AKT3: variants seen among roughly 807,000 people sequenced by gnomAD.
The protein encoded by AKT3 is RAC-gamma serine/threonine-protein kinase.
Under a neutral mutation model 65.3 loss-of-function variants are expected in AKT3, and 15 were observed. The observed-to-expected ratio is 0.23, with a 90% CI of 0.15 to 0.35. The LOEUF is 0.35. AKT3 is among the 10% of genes least tolerant of loss of function. The probability of loss-of-function intolerance (pLI) is 1.00; values close to 1 mark genes in which losing one functional copy is unlikely to be tolerated. For missense variants in AKT3, 243 were observed against 576.5 expected (o/e 0.42, Z 5.92); for synonymous variants, 206 against 183.8 (o/e 1.12, Z -0.98).
At chr1:243,638,780 G>A (rs1228790236) in intron 5 of AKT3, among the ~76,000 whole-genome samples, 3 of 151,194 alleles carry the variant, frequency 2.0e-5, no homozygotes, top group Non-Finnish European at 2.9e-5. Flanking sequence ...TAAAGTAAAC[G>A]TGAGAAATAT....
At chr1:243,767,942 G>T (rs1460080582) in intron 2 of AKT3, among the ~76,000 whole-genome samples, 1 of 151,604 alleles carries the variant, frequency 6.6e-6, no homozygotes, top group Non-Finnish European at 1.5e-5. Flanking sequence ...AATGAAAACG[G>T]TAAAATTTCC....
intron 2 of AKT3, among the ~76,000 whole-genome samples, chr1:243,695,934 T>G (rs1172163234): frequency 6.6e-6 from 1 of 151,994 alleles, no homozygotes; most frequent in South Asian, 2.1e-4. Flanking sequence ...ATTTCACACT[T>G]TGATAATTCA....
At chr1:243,716,894 A>T (rs961206644) in intron 2 of AKT3, among the ~76,000 whole-genome samples, 1 of 152,250 alleles carries the variant, frequency 6.6e-6, no homozygotes, top group Non-Finnish European at 1.5e-5. Flanking sequence ...AAAATGGGTC[A>T]TTCTAATAAT....
chr1:243,524,522 G>T (rs1266577078), intron 12 of AKT3, among the ~76,000 whole-genome samples: 1 of 152,228 alleles, frequency 6.6e-6, no homozygotes, highest in Non-Finnish European at 1.5e-5. Context: ...AAGGGGAACA[G>T]CCATGAATTA....
chr1:243,574,146 A>G (rs902672583), intron 8 of AKT3, among the ~76,000 whole-genome samples: 14 of 152,162 alleles, frequency 9.2e-5, no homozygotes, highest in African/African-American at 3.4e-4. Context: ...ATGTTTCTAC[A>G]AAATTGGTGA....
intron 8 of AKT3, among the ~76,000 whole-genome samples, chr1:243,608,897 C>G (rs1172194248): frequency 1.3e-5 from 2 of 151,562 alleles, no homozygotes; most frequent in East Asian, 3.9e-4. Context: ...GGATTACAAG[C>G]ATCCACCACC....
chr1:243,836,856 G>A (rs1296956977), intron 2 of AKT3, among the ~76,000 whole-genome samples: 3 of 148,200 alleles, frequency 2.0e-5, no homozygotes, highest in African/African-American at 5.0e-5. Context: ...AGGTTGCAGT[G>A]AGCTGAGACT....
intron 2 of AKT3, among the ~76,000 whole-genome samples, chr1:243,723,298 C>G (rs1368982808): frequency 6.6e-6 from 1 of 152,096 alleles, no homozygotes; most frequent in Admixed American, 6.5e-5. Context: ...ATGCCTGTCA[C>G]TATTCAGAAA....
At position 243,710,302 on chromosome 1, in the gene AKT3, G is replaced by GT. The variant is rs551213151; in HGVS notation, c.47-14587dup. Among the ~76,000 whole-genome samples, 24 of 152,012 alleles carry GT rather than the reference G, an allele frequency of 1.6e-4. No individual in the cohort carries two copies. In the South Asian group the frequency reaches 4.4e-3, roughly 28 times the overall value. On this transcript the variant is annotated intron_variant, in intron 2 of 13. Coordinates refer to ENST00000673466, the MANE Select transcript of AKT3 (RefSeq NM_005465.7). ...TTCCACTTCTTTGGTACTGTAAGTT[G>GT]TTTTTTATAAAAAACAACAAAAATT...
At chr1:243,648,144 G>C (rs778949211) in intron 4 of AKT3, among the ~76,000 whole-genome samples, 1 of 151,766 alleles carries the variant, frequency 6.6e-6, no homozygotes, top group Non-Finnish European at 1.5e-5. Flanking sequence ...TGTAATCCCA[G>C]CTACTCGGGA....
intron 6 of AKT3, among the ~76,000 whole-genome samples, chr1:243,617,481 TA>T (rs926715548): frequency 6.6e-6 from 1 of 151,570 alleles, no homozygotes; most frequent in Non-Finnish European, 1.5e-5. Context: ...GGTAACTTAA[TA>T]AAAAAAATAA....
At chr1:243,589,306 CA>C (rs758254217) in intron 8 of AKT3, among the ~76,000 whole-genome samples, 55 of 40,878 alleles carry the variant, frequency 1.3e-3, no homozygotes, top group Admixed American at 2.3e-3. Context: ...AACTCCATCT[CA>C]AAAAAAAAAA....
intron 6 of AKT3, among the ~76,000 whole-genome samples, chr1:243,618,525 C>T (rs1375399910): frequency 1.3e-5 from 2 of 151,952 alleles, no homozygotes; most frequent in Non-Finnish European, 2.9e-5. Context: ...CAATGTGATG[C>T]CTTTTAAAAA....
intron 2 of AKT3, among the ~76,000 whole-genome samples, chr1:243,806,765 T>C (rs1177584915): frequency 6.6e-6 from 1 of 152,172 alleles, no homozygotes; most frequent in African/African-American, 2.4e-5. Context: ...TTTTTCAAAA[T>C]TACTCATTAA....
At chr1:243,492,677 G>C (rs2148289288) in intron 13 of AKT3, among the ~76,000 whole-genome samples, 1 of 125,514 alleles carries the variant, frequency 8.0e-6, no homozygotes. Context: ...GCATGGTCTT[G>C]GCCTACTGCA....
chr1:243,707,909 C>T (rs937485439), intron 2 of AKT3, among the ~76,000 whole-genome samples: 1 of 152,008 alleles, frequency 6.6e-6, no homozygotes, highest in African/African-American at 2.4e-5. Context: ...AAGTAAATTA[C>T]TCTTGATTCA....
intron 9 of AKT3, among the ~76,000 whole-genome samples, chr1:243,567,529 A>G (rs1224097531): frequency 9.2e-6 from 1 of 108,888 alleles, no homozygotes; most frequent in Non-Finnish European, 1.8e-5. Flanking sequence ...GTATTTTGCC[A>G]TGTTGCCCAG....
intron 1 of AKT3, chr1:243,843,630 A>C (rs927062812): frequency 1.2e-4 from 107 of 914,566 alleles, no homozygotes; most frequent in Non-Finnish European, 1.3e-4. Context: ...AATCCCTGTA[A>C]TTTCAGAAGC....
At chr1:243,534,523 A>G (rs964275316) in intron 12 of AKT3, among the ~76,000 whole-genome samples, 1 of 152,238 alleles carries the variant, frequency 6.6e-6, no homozygotes, top group South Asian at 2.1e-4. Flanking sequence ...ACATTATGGA[A>G]TATTTTATCC....
Sources: allele counts gnomAD v4.1 joint callset (sites outside exome capture counted in the v4.1 genomes callset), GRCh38; gene constraint gnomAD v4.1.1; transcripts MANE v1.5; gene names NCBI Gene and HGNC (gene_info 2026-07-23, HGNC 2026-07-21).